The following BTBD8 variants were observed in gnomAD, a reference collection of about 807,000 sequenced individuals.
The protein encoded by BTBD8 is BTB domain containing 8.
In BTBD8, 110 loss-of-function variants were observed where a neutral mutation model predicts 162.9. The observed-to-expected ratio is 0.68, with a 90% CI of 0.58 to 0.79. The LOEUF (loss-of-function observed/expected upper bound fraction) is 0.79, where lower values mean the gene tolerates loss of function less well. Among genes scored for constraint, BTBD8 ranks in the 30% least tolerant of loss-of-function variants. The probability of loss-of-function intolerance (pLI) is 0.00; values close to 1 mark genes in which losing one functional copy is unlikely to be tolerated. For synonymous variants in BTBD8, 667 were observed against 716.1 expected (o/e 0.93, Z 1.10); for missense variants, 1,905 against 2,085.4 (o/e 0.91, Z 1.68).
intron 5 of BTBD8, among the ~76,000 whole-genome samples, chr1:92,138,175 A>T (rs1649677038): frequency 6.6e-6 from 1 of 152,182 alleles, no homozygotes; most frequent in African/African-American, 2.4e-5. Context: ...CTTGAAGCAG[A>T]TGCTATGTGC....
intron 4 of BTBD8, among the ~76,000 whole-genome samples, chr1:92,118,836 A>G (rs1462682851): frequency 2.5e-5 from 1 of 40,362 alleles, no homozygotes; most frequent in African/African-American, 1.7e-4. Flanking sequence ...ATTTGTTACA[A>G]CTTTAGCTGT....
intron 4 of BTBD8, among the ~76,000 whole-genome samples, chr1:92,112,006 CAATG>C (rs1253887101): frequency 1.3e-5 from 2 of 152,008 alleles, no homozygotes; most frequent in South Asian, 2.1e-4. Context: ...ATTTTGATGA[CAATG>C]AATATAAGTC....
chr1:92,095,666 A>G (rs1303537147), intron 2 of BTBD8, among the ~76,000 whole-genome samples: 2 of 152,136 alleles, frequency 1.3e-5, no homozygotes, highest in Admixed American at 6.5e-5. Flanking sequence ...TTTAGCTACT[A>G]TTGTCAATTT....
chr1:92,184,210 A>T lies in BTBD8; in HGVS notation c.5259A>T (p.Arg1753Ser), dbSNP rs537055580. The T allele has an allele frequency of 1.3e-6, 2 of 1,551,592 alleles. No homozygotes were observed. Among genetic ancestry groups the T allele is most frequent in the Non-Finnish European group, 1.7e-6 (2 of 1,146,844 alleles). ...TAACACATATTGACACTTTGAACAG[A>T]TGGAGTGAACTAACATCTCCACTTG... ...QGITHIDTLN[R>S]WSELTSPLDS... The change falls in exon 18 of 18, where the codon AGA (arginine) becomes AGT (serine). Residue 1753 changes from arginine (R) to serine (S), a missense_variant. Around this residue, in one of 3 missense-constraint regions of BTBD8, gnomAD observed 517 missense variants for 606.6 expected, o/e 0.85. Coordinates refer to ENST00000636805, the MANE Select transcript of BTBD8 (RefSeq NM_001376131.1).
Position 92,147,215 on chromosome 1 carries a change from C to A in BTBD8, c.966C>A (p.Cys322Ter). 4 of 1,612,210 alleles carry A rather than the reference C, an allele frequency of 2.5e-6. No homozygotes were observed. Among genetic ancestry groups the A allele is most frequent in the Non-Finnish European group, 3.4e-6 (4 of 1,179,070 alleles). The change falls in exon 8 of 18, where the codon TGC becomes TGA. Residue 322 changes from cysteine (C) to a stop codon, truncating the protein, a stop_gained. Coordinates refer to ENST00000636805, the MANE Select transcript of BTBD8 (RefSeq NM_001376131.1). LOFTEE classifies it high-confidence loss of function. ...VPRTLTSILECLIIAHSVGVE... is the reference protein window; with the variant it reads ...VPRTLTSILE ...GAACATTGACGTCTATACTAGAATG[C>A]CTGATTATTGCTCATTCAGTTGGAG...
intron 17 of BTBD8, among the ~76,000 whole-genome samples, chr1:92,183,123 A>T (rs1317174523): frequency 1.3e-5 from 2 of 152,172 alleles, no homozygotes; most frequent in African/African-American, 4.8e-5. Context: ...AAATAAAAAG[A>T]TAAATTTCCT....
At position 92,107,886 on chromosome 1, in the gene BTBD8, A is replaced by G; in HGVS notation, c.547A>G (p.Asn183Asp). The G allele has an allele frequency of 6.2e-7, 1 of 1,605,278 alleles. No homozygotes were observed. The highest frequency in any genetic ancestry group is 8.5e-7 in the Non-Finnish European group (1 of 1,177,312). The change falls in exon 4 of 18, where the codon AAT becomes GAT. Residue 183 changes from asparagine to aspartate, a missense_variant and splice_region_variant. This residue lies in a region of BTBD8 where 1,374 missense variants were observed against 1,442.7 expected (regional missense o/e 0.95). Transcript: ENST00000636805. The stretch of plus-strand genomic sequence containing the variant: ...AGTCTTGTTTTTCTTTTTTAAAGAT[A>G]ATTATGACTTGGAGCCTGCATCTGA... ...DRDDDFISND[N>D]YDLEPASELG...
chr1:92,167,107 T>C lies in BTBD8; in HGVS notation c.1272T>C (p.Ile424=), dbSNP rs1304859747. 6.4e-7 allele frequency: 1 copy of C among 1,550,462 alleles called. No homozygotes were observed. Among genetic ancestry groups the C allele is most frequent in the Non-Finnish European group, 8.7e-7 (1 of 1,146,990 alleles). ...IAFIVDNFSK[I]IQSENFALLL... is the part of the protein sequence containing the mutation. ...TTATTGTAGACAACTTCTCCAAGAT[T>C]ATTCAGAGTGAAAATTTTGCTCTTC... Residue 424 remains isoleucine, a synonymous_variant, in exon 10 of 18, where the codon ATT becomes ATC. Coordinates refer to ENST00000636805, the MANE Select transcript of BTBD8 (RefSeq NM_001376131.1).
At chr1:92,147,599 G>T in intron 8 of BTBD8, 85 bp from the exon 9 acceptor site, 2 of 975,980 alleles carry the variant, frequency 2.0e-6, no homozygotes, top group Non-Finnish European at 3.1e-6. Context: ...TATATGTACA[G>T]TTATGTAATT....
intron 4 of BTBD8, among the ~76,000 whole-genome samples, chr1:92,121,662 C>G (rs1183276992): frequency 6.6e-6 from 1 of 152,066 alleles, no homozygotes; most frequent in Non-Finnish European, 1.5e-5. Flanking sequence ...TGTTTAACTT[C>G]CACTGTAAGC....
At chr1:92,113,037 C>G (rs538712162) in intron 4 of BTBD8, among the ~76,000 whole-genome samples, 2 of 152,112 alleles carry the variant, frequency 1.3e-5, no homozygotes, top group South Asian at 2.1e-4. Context: ...AGCAGCAAGG[C>G]GGAAATTAGG....
intron 13 of BTBD8, among the ~76,000 whole-genome samples, chr1:92,174,103 GGAATTAATAAT>G (rs1343322557): frequency 6.6e-6 from 1 of 152,094 alleles, no homozygotes; most frequent in East Asian, 1.9e-4. Flanking sequence ...AAATAAAATT[GGAATTAATAAT>G]GAATTAATAA....
chr1:92,094,105 C>T (rs1648388366), intron 2 of BTBD8, among the ~76,000 whole-genome samples: 1 of 152,166 alleles, frequency 6.6e-6, no homozygotes, highest in African/African-American at 2.4e-5. Context: ...TCAGTTTTCT[C>T]ATTTCAAAGA....
chr1:92,080,867 C>G lies in BTBD8; in HGVS notation c.149+147C>G, dbSNP rs962339979. 9 of 1,274,566 alleles carry G rather than the reference C, an allele frequency of 7.1e-6. No homozygotes were observed. The African/African-American group carries it at 1.4e-4, about 19-fold the overall frequency. The allele number at this position is 1,274,566 out of a possible 1,614,324, so 79.0% of individuals were successfully genotyped here. A position where few individuals can be genotyped will look rare whatever the true frequency, so the allele number is the denominator to read the frequency against. On this transcript the variant is annotated intron_variant, in intron 1 of 17. Transcript: ENST00000636805. ...CGACTGCGGGTCGTTAGCCAGTCTCCCCACTATTCCGAAAAGTGGCTTCGC... is the reference window on the plus strand; with the variant it reads ...CGACTGCGGGTCGTTAGCCAGTCTCGCCACTATTCCGAAAAGTGGCTTCGC...
At chr1:92,136,876 A>C (rs966202068) in intron 5 of BTBD8, among the ~76,000 whole-genome samples, 11 of 152,226 alleles carry the variant, frequency 7.2e-5, no homozygotes, top group African/African-American at 2.7e-4. Flanking sequence ...CATTCAGAAT[A>C]CTTATTAGCT....
intron 1 of BTBD8, 92 bp from the exon 2 acceptor site, chr1:92,088,606 G>T: frequency 1.0e-6 from 1 of 980,452 alleles, no homozygotes; most frequent in Non-Finnish European, 1.4e-6. Context: ...GTATTTTTTA[G>T]CTTATGTGTT....
chr1:92,167,029 G>A lies in BTBD8; in HGVS notation c.1194G>A (p.Trp398Ter). ...RLIISLPRVK[W>*]TEAALTMASQ... ...TCATCAGTTTACCCAGAGTGAAGTG[G>A]ACGGAAGCAGCACTGACCATGGCGT... Residue 398 changes from tryptophan (W) to a stop codon, truncating the protein, a stop_gained, in exon 10 of 18, where the codon TGG (tryptophan) becomes TGA (stop). Transcript: ENST00000636805. LOFTEE classifies it high-confidence loss of function. 1 of 1,550,804 alleles carries A rather than the reference G, an allele frequency of 6.4e-7. No homozygotes were observed. The highest frequency in any genetic ancestry group is 8.7e-7 in the Non-Finnish European group (1 of 1,147,056).
chr1:92,149,465 C>T (rs1479221019), intron 9 of BTBD8, among the ~76,000 whole-genome samples: 1 of 152,130 alleles, frequency 6.6e-6, no homozygotes, highest in Non-Finnish European at 1.5e-5. Flanking sequence ...CATTTGGGAA[C>T]TAAGTATGGT....
At chr1:92,164,610 C>A (rs1464883211) in intron 9 of BTBD8, among the ~76,000 whole-genome samples, 1 of 151,050 alleles carries the variant, frequency 6.6e-6, no homozygotes, top group Non-Finnish European at 1.5e-5. Flanking sequence ...CAGAGCGAGA[C>A]CCCGTTACGG....
Sources: gnomAD v4.1 joint callset for allele counts (sites outside exome capture counted in the v4.1 genomes callset) on GRCh38, gnomAD v4.1.1 for gene constraint, gnomAD v4.1.1 regional missense constraint, MANE v1.5 for transcripts, NCBI Gene and HGNC (gene_info 2026-07-23, HGNC 2026-07-21) for gene names.